The following SFMBT2 variants were observed in gnomAD, a reference collection of about 807,000 sequenced individuals.
The protein encoded by SFMBT2 is scm-like with four MBT domains protein 2.
A neutral mutation model predicts 110.1 loss-of-function variants in SFMBT2; 38 were observed. The observed-to-expected ratio is 0.35, with a 90% confidence interval of 0.27 to 0.45. SFMBT2 has a LOEUF of 0.45. Among genes scored for constraint, SFMBT2 ranks in the 20% least tolerant of loss-of-function variants. The pLI is 1.00. For missense variants in SFMBT2, 1,011 were observed against 1,094.9 expected (o/e 0.92, Z 1.08); for synonymous variants, 425 against 425.4 (o/e 1.00, Z 0.01).
Position 7,283,959 on chromosome 10 carries a change from T to A in SFMBT2, c.717A>T (p.Arg239Ser). 1 of 1,609,060 alleles carries A rather than the reference T, an allele frequency of 6.2e-7. No individual in the cohort carries two copies. Among genetic ancestry groups the A allele is most frequent in the Non-Finnish European group, 8.5e-7 (1 of 1,175,324 alleles). ...YDQWLFYLDY[R>S]LRPVGWCQEN... ...CTTGACACCAACCAACTGGTCGAAG[T>A]CTGTAATCCAAGTAAAACAACCACT... The change falls in exon 6 of 21, where the codon AGA becomes AGT. Residue 239 changes from arginine (R) to serine (S), a missense_variant. Around this residue, in one of 2 missense-constraint regions of SFMBT2, gnomAD observed 979 missense variants for 1,016.1 expected, o/e 0.96. Coordinates refer to ENST00000397167, the MANE Select transcript of SFMBT2 (RefSeq NM_001387889.1).
Position 7,254,035 on chromosome 10 carries a change from G to A in SFMBT2, c.871-5386C>T, listed in dbSNP as rs144320806. On this transcript the variant is annotated intron_variant, in intron 7 of 20. Coordinates refer to ENST00000397167, the MANE Select transcript of SFMBT2 (RefSeq NM_001387889.1). Reference sequence around the variant, plus strand: ...AGAGCGTGACAATATTTTCTGACGGGGTTTGCCACTGAAACTTCTGGCCAT... The same window carrying A: ...AGAGCGTGACAATATTTTCTGACGGAGTTTGCCACTGAAACTTCTGGCCAT... Among the ~76,000 whole-genome samples the A allele has an allele frequency of 4.2e-3, 645 of 152,146 alleles. 5 individuals carry two copies. Among genetic ancestry groups the A allele is most frequent in the African/African-American group, 0.015 (603 of 41,510 alleles).
chr10:7,199,761 G>A (rs955900896), intron 14 of SFMBT2, among the ~76,000 whole-genome samples: 4 of 152,140 alleles, frequency 2.6e-5, no homozygotes, highest in Non-Finnish European at 2.9e-5. Context: ...TCTCCTAGTA[G>A]GATTCTTCCA....
chr10:7,347,111 C>A (rs1049470867), intron 4 of SFMBT2, among the ~76,000 whole-genome samples: 7 of 152,186 alleles, frequency 4.6e-5, no homozygotes, highest in Non-Finnish European at 2.9e-5. Context: ...GGAAAAGCAG[C>A]CTCCCCATCC....
At chr10:7,382,044 G>T in intron 1 of SFMBT2, 95 bp from the exon 2 acceptor site, 1 of 566,838 alleles carries the variant, frequency 1.8e-6, no homozygotes, top group Non-Finnish European at 2.9e-6. Context: ...CCTTATTAGT[G>T]CCACTACCAT....
At position 7,285,894 on chromosome 10, in the gene SFMBT2, C is replaced by A. The variant is rs758693856; in HGVS notation, c.497G>T (p.Arg166Met). Reference sequence around the variant, plus strand: ...TTCCAGGAGGTTGGCGGGTGCTGTCCTCGAACCAGTCAAGTCACGTATGAG... The same window carrying A: ...TTCCAGGAGGTTGGCGGGTGCTGTCATCGAACCAGTCAAGTCACGTATGAG... ...EFLIRDLTGS[R>M]TAPANLLEGP... is the part of the protein sequence containing the mutation. The change falls in exon 5 of 21, where the codon AGG becomes ATG. Residue 166 changes from arginine to methionine, a missense_variant. Around this residue, in one of 2 missense-constraint regions of SFMBT2, gnomAD observed 979 missense variants for 1,016.1 expected, o/e 0.96. Transcript: ENST00000397167. 1.1e-6 allele frequency: 1 copy of A among 872,608 alleles called. No individual in the cohort carries two copies. Among genetic ancestry groups the A allele is most frequent in the Non-Finnish European group, 2.0e-6 (1 of 501,664 alleles). 54.1% of individuals were successfully genotyped at this position (872,608 alleles called of 1,614,324 possible).
upstream of SFMBT2, among the ~76,000 whole-genome samples, chr10:7,411,186 T>C (rs993329435): frequency 6.7e-6 from 1 of 148,626 alleles, no homozygotes; most frequent in African/African-American, 2.5e-5. Flanking sequence ...CTTAAGCCAA[T>C]TAGCCTGCGG....
At chr10:7,357,073 A>G (rs1844541940) in intron 4 of SFMBT2, among the ~76,000 whole-genome samples, 1 of 152,236 alleles carries the variant, frequency 6.6e-6, no homozygotes, top group African/African-American at 2.4e-5. Context: ...ATCTATATTC[A>G]GAAATATCAA....
intron 7 of SFMBT2, among the ~76,000 whole-genome samples, chr10:7,255,606 C>T (rs939300874): frequency 2.6e-5 from 4 of 152,230 alleles, no homozygotes; most frequent in Admixed American, 6.5e-5. Context: ...ACTGTCTTCA[C>T]AGGCTACTGT....
In SFMBT2 at chr10:7,347,747, T is replaced by C. The variant is rs576337865; in HGVS notation, c.436+19902A>G. Among the ~76,000 whole-genome samples the C allele has an allele frequency of 9.2e-5, 14 of 152,268 alleles. No individual in the cohort carries two copies. In the South Asian group the frequency reaches 2.5e-3, roughly 27 times the overall value. On this transcript the variant is annotated intron_variant, in intron 4 of 20. Transcript: ENST00000397167. ...AAAAAAATTAAATTTGATCTAAACA[T>C]ACTGTACTTTGATGAGGAAGGGCCA...
intron 15 of SFMBT2, among the ~76,000 whole-genome samples, chr10:7,192,453 A>G (rs937779121): frequency 1.2e-4 from 18 of 152,218 alleles, no homozygotes; most frequent in African/African-American, 4.1e-4. Context: ...TGCTTGGGGC[A>G]GCCGACTTTC....
At chr10:7,341,901 A>C (rs771712833) in intron 4 of SFMBT2, among the ~76,000 whole-genome samples, 7 of 152,322 alleles carry the variant, frequency 4.6e-5, no homozygotes, top group South Asian at 4.1e-4. Context: ...AAAAGTTTTC[A>C]AAGCAGAATG....
intron 8 of SFMBT2, chr10:7,244,141 T>A: frequency 3.0e-6 from 1 of 338,140 alleles, no homozygotes; most frequent in Non-Finnish European, 4.2e-6. Context: ...AGATCTGGCT[T>A]GGAGCTTTCT....
chr10:7,382,499 C>T (rs1411179521), intron 1 of SFMBT2, among the ~76,000 whole-genome samples: 4 of 152,146 alleles, frequency 2.6e-5, no homozygotes, highest in African/African-American at 2.4e-5. Context: ...CAAAACCATC[C>T]GTGTTCTAGA....
At chr10:7,211,038 C>A (rs1222881600) in intron 11 of SFMBT2, among the ~76,000 whole-genome samples, 1 of 152,080 alleles carries the variant, frequency 6.6e-6, no homozygotes, top group Admixed American at 6.6e-5. Context: ...GTTTTCATCC[C>A]CATTTCAGAG....
At chr10:7,253,121 G>A (rs1008080598) in intron 7 of SFMBT2, among the ~76,000 whole-genome samples, 2 of 152,178 alleles carry the variant, frequency 1.3e-5, no homozygotes, top group African/African-American at 4.8e-5. Context: ...CAACTCCACA[G>A]GGCCAGAAGC....
At chr10:7,243,418 C>T (rs1588376964) in intron 9 of SFMBT2, 140 bp downstream of exon 9, 2 of 652,724 alleles carry the variant, frequency 3.1e-6, no homozygotes, top group East Asian at 2.6e-5. Context: ...CTATGTCAAG[C>T]TGATGAAGAA....
chr10:7,198,471 A>T (rs2131596741), intron 14 of SFMBT2, among the ~76,000 whole-genome samples: 1 of 152,358 alleles, frequency 6.6e-6, no homozygotes, highest in Non-Finnish European at 1.5e-5. Context: ...CAGTTTTACT[A>T]GACATGGCCA....
intron 5 of SFMBT2, 161 bp from the exon 6 acceptor site, chr10:7,284,311 C>T (rs1842028092): frequency 7.0e-7 from 1 of 1,424,722 alleles, no homozygotes; most frequent in African/African-American, 1.4e-5. Context: ...CCATGCCCCA[C>T]CCCTTCCCTT....
intron 7 of SFMBT2, among the ~76,000 whole-genome samples, chr10:7,264,465 TC>T (rs1841321046): frequency 6.6e-6 from 1 of 152,080 alleles, no homozygotes; most frequent in Non-Finnish European, 1.5e-5. Flanking sequence ...CTGTTCTGAG[TC>T]CAGATGCAGT....
Sources: allele counts gnomAD v4.1 joint callset (sites outside exome capture counted in the v4.1 genomes callset), GRCh38; gene constraint gnomAD v4.1.1; regional missense constraint gnomAD v4.1.1; transcripts MANE v1.5; gene names NCBI Gene and HGNC (gene_info 2026-07-23, HGNC 2026-07-21).